Variants in CMC4 observed in about 807,000 individuals in gnomAD.
CMC4 encodes cx9C motif-containing protein 4.
CMC4 carries 4 observed loss-of-function variants against 5.1 expected under a neutral mutation model. The observed-to-expected ratio is 0.78, with a 90% CI of 0.38 to 1.78. The LOEUF is 1.78. CMC4 is among the 40% of genes most tolerant of loss of function. The pLI is 0.04. For missense variants in CMC4, 52 were observed against 51.3 expected (o/e 1.01, Z -0.04); for synonymous variants, 23 against 18.9 (o/e 1.22, Z -0.57).
intron 1 of CMC4, chrX:155,064,703 A>T (rs911609993): frequency 8.9e-6 from 1 of 112,395 alleles, no homozygotes; most frequent in African/African-American, 3.2e-5. Context: ...TTCTTATAGA[A>T]ACCAGCTTAT....
intron 1 of CMC4, chrX:155,065,191 T>C: frequency 2.9e-6 from 1 of 344,336 alleles, no homozygotes; most frequent in Non-Finnish European, 5.0e-6. Context: ...CTAAGTGCTT[T>C]TGTTGACTTG....
intron 2 of CMC4, among the ~76,000 whole-genome samples, chrX:155,062,642 G>A (rs938612027): frequency 8.9e-6 from 1 of 111,749 alleles, no homozygotes; most frequent in Non-Finnish European, 1.9e-5. Context: ...TGCAGTTAAT[G>A]AGTCCCCCAG....
chrX:155,061,968 A>T lies in CMC4; in HGVS notation c.82T>A (p.Cys28Ser), dbSNP rs1557291647. 1 of 1,210,610 alleles carries T rather than the reference A, an allele frequency of 8.3e-7. No individual in the cohort carries two copies. Among genetic ancestry groups the T allele is most frequent in the Non-Finnish European group, 1.1e-6 (1 of 894,991 alleles). ...CGCAGTTCTTGGATGACAGCCTGAC[A>T]CTTTGATTCCATGTAGCTGTTGGCT... Reference protein sequence around the residue: ...LQANSYMESKCQAVIQELRKC... With the variant: ...LQANSYMESKSQAVIQELRKC... The change falls in exon 3 of 3, where the codon TGT (cysteine) becomes AGT (serine). Residue 28 changes from cysteine (C) to serine (S), a missense_variant. Cys to Ser is a moderately radical substitution (Grantham distance 112). Transcript: ENST00000369484.
rs2073970646 is a variant in CMC4, at chrX:155,070,799, C to G, written c.-116G>C. On this transcript the variant is annotated 5_prime_UTR_variant, in exon 1 of 3. Coordinates refer to ENST00000369484, the MANE Select transcript of CMC4 (RefSeq NM_001018024.3). ...ACTCAAGCCAGGATCGCGACGTGAG[C>G]CCGGGGTGAGCCGAGGGGCATCCCG... is the stretch of plus-strand genomic sequence containing the variant. The G allele has an allele frequency of 8.9e-6, 1 of 112,766 alleles. No individual in the cohort carries two copies. The highest frequency in any genetic ancestry group is 3.6e-4 in the South Asian group (1 of 2,750). The allele number at this position is 112,766 out of a possible 1,213,427, so 9.3% of individuals were successfully genotyped here.
intron 1 of CMC4, among the ~76,000 whole-genome samples, chrX:155,070,108 C>T: frequency 8.9e-6 from 1 of 112,115 alleles, no homozygotes; most frequent in East Asian, 2.8e-4. Context: ...AAAACGGAGG[C>T]TGCTGGCGTG....
chrX:155,069,324 C>T (rs781880307), intron 1 of CMC4, among the ~76,000 whole-genome samples: 19 of 112,353 alleles, frequency 1.7e-4, no homozygotes, highest in Non-Finnish European at 3.4e-4. Context: ...AGAACACAGG[C>T]CCAGGCCTGT....
intron 2 of CMC4, among the ~76,000 whole-genome samples, chrX:155,063,385 T>C (rs1557291765): frequency 8.9e-6 from 1 of 112,534 alleles, no homozygotes; most frequent in Non-Finnish European, 1.9e-5. Flanking sequence ...GATAGCCTTA[T>C]AGCTTTTTCT....
chrX:155,061,700 C>T lies in CMC4; in HGVS notation c.*143G>A, dbSNP rs2073928607. On this transcript the variant is annotated 3_prime_UTR_variant, in exon 3 of 3. Coordinates refer to ENST00000369484, the MANE Select transcript of CMC4 (RefSeq NM_001018024.3). ...TTTGTCTTTTAATGTGTTTATATTTCTGCCTGTTCTGCATAGATGGCATAT... is the reference window on the plus strand; with the variant it reads ...TTTGTCTTTTAATGTGTTTATATTTTTGCCTGTTCTGCATAGATGGCATAT... 1.7e-6 allele frequency: 1 copy of T among 588,747 alleles called. No homozygotes were observed. The highest frequency in any genetic ancestry group is 2.3e-5 in the African/African-American group (1 of 43,120). The allele number at this position is 588,747 out of a possible 1,213,427, so 48.5% of individuals were successfully genotyped here.
At chrX:155,065,403 G>GAA in intron 1 of CMC4, 2 of 917,809 alleles carry the variant, frequency 2.2e-6, no homozygotes, top group Non-Finnish European at 3.1e-6. Context: ...CCAGCACCTG[G>GAA]AAAAAAAAAT....
chrX:155,063,511 AT>A (rs782725920), intron 2 of CMC4, among the ~76,000 whole-genome samples: 22 of 112,149 alleles, frequency 2.0e-4, no homozygotes, highest in Admixed American at 1.4e-3. Context: ...TTTAGTCGAG[AT>A]TCACTTCTGC....
At chrX:155,065,844 G>T in intron 1 of CMC4, 1 of 1,195,630 alleles carries the variant, frequency 8.4e-7, no homozygotes, top group Non-Finnish European at 1.1e-6. Context: ...TATTGAGACT[G>T]GAATAGAAAC....
At chrX:155,068,179 G>A (rs782742466) in intron 1 of CMC4, among the ~76,000 whole-genome samples, 19 of 112,268 alleles carry the variant, frequency 1.7e-4, no homozygotes, top group Non-Finnish European at 3.4e-4. Context: ...CAACCAACAT[G>A]TTGACATTTA....
At chrX:155,064,710 T>G (rs1488230041) in intron 1 of CMC4, 2 of 112,259 alleles carry the variant, frequency 1.8e-5, no homozygotes, top group Non-Finnish European at 3.8e-5. Context: ...AGAAACCAGC[T>G]TATTTAAAAT....
At chrX:155,065,333 TA>T (rs2073944115) in intron 1 of CMC4, 1 of 518,661 alleles carries the variant, frequency 1.9e-6, no homozygotes, top group African/African-American at 2.4e-5. Context: ...TGCACTGCAG[TA>T]GTGGATGAAG....
At chrX:155,070,481 A>G (rs1334986636) in intron 1 of CMC4, among the ~76,000 whole-genome samples, 1 of 111,701 alleles carries the variant, frequency 9.0e-6, no homozygotes, top group Non-Finnish European at 1.9e-5. Flanking sequence ...ACTGTCTGAT[A>G]TCATCGAGAC....
chrX:155,065,214 G>A, intron 1 of CMC4: 1 of 366,094 alleles, frequency 2.7e-6, no homozygotes, highest in South Asian at 6.2e-5. Context: ...TTCTGCCTAC[G>A]TAACCTCTCT....
intron 1 of CMC4, chrX:155,065,917 C>A (rs782472203): frequency 8.3e-7 from 1 of 1,208,856 alleles, no homozygotes; most frequent in African/African-American, 1.7e-5. Context: ...TCTTCCACGA[C>A]GGCCACCCAC....
At chrX:155,062,928 GT>G (rs2124210187) in intron 2 of CMC4, among the ~76,000 whole-genome samples, 1 of 111,592 alleles carries the variant, frequency 9.0e-6, no homozygotes, top group South Asian at 3.7e-4. Flanking sequence ...CCTTATAACG[GT>G]GCTTGTCATC....
Position 155,070,887 on chromosome X carries a change from G to A in CMC4, c.-204C>T, listed in dbSNP as rs1020285351. 1.8e-5 allele frequency: 2 copies of A among 112,774 alleles called. No homozygotes were observed. Among genetic ancestry groups the A allele is most frequent in the African/African-American group, 6.4e-5 (2 of 31,080 alleles). 9.3% of individuals were successfully genotyped at this position (112,774 alleles called of 1,213,427 possible). A position where few individuals can be genotyped will look rare whatever the true frequency, so the allele number is the denominator to read the frequency against. On this transcript the variant is annotated 5_prime_UTR_variant, in exon 1 of 3. Transcript: ENST00000369484. ...CCGGCAACCGGAAGTGGTCCAGGGA[G>A]AGTTGTACGAGATTCGGGGGCTGTG...
Sources: allele counts gnomAD v4.1 joint callset (sites outside exome capture counted in the v4.1 genomes callset), GRCh38; gene constraint gnomAD v4.1.1; transcripts MANE v1.5; gene names NCBI Gene and HGNC (gene_info 2026-07-23, HGNC 2026-07-21).